The following NEK11 variants were observed in gnomAD, a reference collection of about 807,000 sequenced individuals.
The protein encoded by NEK11 is serine/threonine-protein kinase Nek11.
In NEK11, 72 loss-of-function variants were observed where a neutral mutation model predicts 80.7. That is an observed-to-expected ratio of 0.89 (90% CI 0.74 to 1.08). The LOEUF is 1.08. Ranked by LOEUF, NEK11 falls within the 50% of genes least tolerant of loss-of-function variation. The pLI is 0.00. For missense variants in NEK11, 764 were observed against 763.6 expected (o/e 1.00, Z -0.01); for synonymous variants, 251 against 260.7 (o/e 0.96, Z 0.36).
intron 14 of NEK11, among the ~76,000 whole-genome samples, chr3:131,225,625 C>T (rs918788414): frequency 1.3e-5 from 2 of 152,114 alleles, no homozygotes; most frequent in African/African-American, 2.4e-5. Context: ...TGTTACAGAG[C>T]TATTGCTAGA....
At position 131,274,504 on chromosome 3, in the gene NEK11, C is replaced by T. The variant is rs962421986; in HGVS notation, c.1718+930C>T. Among the ~76,000 whole-genome samples, 22 of 151,686 alleles carry T rather than the reference C, an allele frequency of 1.5e-4. No homozygotes were observed. In the South Asian group the frequency reaches 1.7e-3, roughly 12 times the overall value. Reference sequence around the variant, plus strand: ...TGGGATGGCTGGGTCAAATGGTATTCCTAGTTCTAGATCCCTGAGGAATCG... The same window carrying T: ...TGGGATGGCTGGGTCAAATGGTATTTCTAGTTCTAGATCCCTGAGGAATCG... On this transcript the variant is annotated intron_variant, in intron 17 of 17. Transcript: ENST00000383366.
At chr3:131,221,984 G>C (rs1424052525) in intron 14 of NEK11, among the ~76,000 whole-genome samples, 1 of 152,100 alleles carries the variant, frequency 6.6e-6, no homozygotes, top group African/African-American at 2.4e-5. Context: ...ATAGATGGTA[G>C]TGAGAACTAG....
At chr3:131,282,497 T>A (rs2096412020) in intron 17 of NEK11, among the ~76,000 whole-genome samples, 1 of 152,216 alleles carries the variant, frequency 6.6e-6, no homozygotes. Flanking sequence ...TATTTTTGCA[T>A]CTGTGTCATA....
intron 17 of NEK11, among the ~76,000 whole-genome samples, chr3:131,333,627 TA>T (rs2097132523): frequency 6.6e-6 from 1 of 152,084 alleles, no homozygotes; most frequent in African/African-American, 2.4e-5. Context: ...ATATTAACTT[TA>T]AATGTAAATG....
intron 6 of NEK11, among the ~76,000 whole-genome samples, chr3:131,133,551 T>C (rs907895982): frequency 2.0e-5 from 3 of 152,192 alleles, no homozygotes. Context: ...AATAGCTTTT[T>C]ATATCAAATT....
intron 14 of NEK11, among the ~76,000 whole-genome samples, chr3:131,180,244 T>C (rs533976982): frequency 1.7e-4 from 26 of 152,304 alleles, no homozygotes; most frequent in African/African-American, 6.0e-4. Context: ...GTACAGTCTT[T>C]CCTGTGCCCA....
intron 7 of NEK11, among the ~76,000 whole-genome samples, chr3:131,137,824 C>T (rs2085916148): frequency 6.6e-6 from 1 of 152,142 alleles, no homozygotes; most frequent in Non-Finnish European, 1.5e-5. Flanking sequence ...CCCCACTGAT[C>T]ATGCCCCTCC....
In NEK11 at chr3:131,134,094, G is replaced by A. The variant is rs113343890; in HGVS notation, c.647+138G>A. On this transcript the variant is annotated intron_variant, in intron 7 of 17. Transcript: ENST00000383366. ...TATTTCTGTGACCAGAGTAAAAGAAGGTCTTTTGCATTTAGAACTCAATAT... is the reference window on the plus strand; with the variant it reads ...TATTTCTGTGACCAGAGTAAAAGAAAGTCTTTTGCATTTAGAACTCAATAT... 7.7e-4 allele frequency: 543 copies of A among 707,628 alleles called. 2 individuals are homozygous for A. In the African/African-American group the frequency reaches 8.9e-3, roughly 12 times the overall value. 43.8% of individuals were successfully genotyped at this position (707,628 alleles called of 1,614,324 possible). A position where few individuals can be genotyped will look rare whatever the true frequency, so the allele number is the denominator to read the frequency against.
At chr3:131,275,529 T>C (rs1581257401) in intron 17 of NEK11, among the ~76,000 whole-genome samples, 1 of 152,218 alleles carries the variant, frequency 6.6e-6, no homozygotes, top group East Asian at 1.9e-4. Flanking sequence ...GCTCACCTTT[T>C]TCATGTGGGC....
chr3:131,331,781 G>A (rs938489788), intron 17 of NEK11, among the ~76,000 whole-genome samples: 11 of 152,194 alleles, frequency 7.2e-5, no homozygotes, highest in Non-Finnish European at 1.0e-4. Context: ...CTTTTCCGAC[G>A]GGCTTAAAAA....
At chr3:131,095,178 A>ACCTG (rs796462096) in intron 4 of NEK11, among the ~76,000 whole-genome samples, 2 of 152,204 alleles carry the variant, frequency 1.3e-5, no homozygotes, top group South Asian at 4.2e-4. Flanking sequence ...TAGTATGAAA[A>ACCTG]CCTGCCAAAG....
At chr3:131,296,167 C>G (rs1424562541) in intron 17 of NEK11, among the ~76,000 whole-genome samples, 1 of 152,084 alleles carries the variant, frequency 6.6e-6, no homozygotes, top group Admixed American at 6.6e-5. Context: ...CAACATTATA[C>G]CACTTCATAG....
At chr3:131,338,404 A>G (rs1049135926) in intron 17 of NEK11, among the ~76,000 whole-genome samples, 1 of 151,338 alleles carries the variant, frequency 6.6e-6, no homozygotes, top group African/African-American at 2.4e-5. Context: ...TTCACACTTG[A>G]TCTTCACCAA....
intron 7 of NEK11, among the ~76,000 whole-genome samples, chr3:131,138,312 G>A (rs2086067258): frequency 6.6e-6 from 1 of 152,194 alleles, no homozygotes; most frequent in South Asian, 2.1e-4. Flanking sequence ...GCCATGGGGT[G>A]AAGCTCCTCT....
intron 17 of NEK11, chr3:131,329,011 G>A (rs1218805706): frequency 1.3e-5 from 2 of 152,182 alleles, no homozygotes; most frequent in Non-Finnish European, 2.9e-5. Flanking sequence ...GATGGCCTGG[G>A]TGTGCAAAGT....
intron 4 of NEK11, among the ~76,000 whole-genome samples, chr3:131,081,125 A>G (rs2075202666): frequency 1.3e-5 from 2 of 152,154 alleles, no homozygotes; most frequent in Non-Finnish European, 2.9e-5. Flanking sequence ...AAAACAAAAA[A>G]CAAAAAGGAG....
chr3:131,172,974 C>T lies in NEK11; in HGVS notation c.1399+2087C>T, dbSNP rs1433841223. 3.9e-5 allele frequency among the ~76,000 whole-genome samples: 6 copies of T among 152,168 alleles called. No individual in the cohort carries two copies. In the East Asian group the frequency reaches 1.2e-3, roughly 29 times the overall value. ...TGCTAAAAGACACTCCCACCAGCAC[C>T]GTGACAGTTTACACATGCCATGATG... On this transcript the variant is annotated intron_variant, in intron 14 of 17. Transcript: ENST00000383366.
At chr3:131,264,409 C>T (rs1345779764) in intron 16 of NEK11, among the ~76,000 whole-genome samples, 1 of 152,160 alleles carries the variant, frequency 6.6e-6, no homozygotes, top group Non-Finnish European at 1.5e-5. Flanking sequence ...AGGAAGGGAT[C>T]CAGTTTCATC....
chr3:131,263,898 C>T (rs1039019124), intron 16 of NEK11, among the ~76,000 whole-genome samples: 5 of 152,180 alleles, frequency 3.3e-5, no homozygotes, highest in South Asian at 2.1e-4. Flanking sequence ...TTTTAATGAT[C>T]GCCATTCTAA....
Sources: gnomAD v4.1 joint callset for allele counts (sites outside exome capture counted in the v4.1 genomes callset) on GRCh38, gnomAD v4.1.1 for gene constraint, MANE v1.5 for transcripts, NCBI Gene and HGNC (gene_info 2026-07-23, HGNC 2026-07-21) for gene names.